Variants in ZNF681 observed in about 807,000 individuals in gnomAD.
ZNF681 encodes the protein zinc finger protein 681.
ZNF681 carries 37 observed loss-of-function variants against 56.0 expected under a neutral mutation model. That is an observed-to-expected ratio of 0.66 (90% CI 0.51 to 0.87). ZNF681 has a LOEUF of 0.87. Among genes scored for constraint, ZNF681 ranks in the 40% least tolerant of loss-of-function variants. ZNF681 has a pLI of 0.00. For missense variants in ZNF681, 741 were observed against 744.9 expected, an observed-to-expected ratio of 0.99 and a Z score of 0.06; for synonymous variants, 225 against 248.6, an observed-to-expected ratio of 0.91 and a Z score of 0.89.
intron 3 of ZNF681, among the ~76,000 whole-genome samples, chr19:23,748,028 A>G (rs1305384919): frequency 6.6e-6 from 1 of 152,146 alleles, no homozygotes; most frequent in Admixed American, 6.5e-5. Flanking sequence ...ATACTTAAAC[A>G]TATAAAAATA....
intron 3 of ZNF681, among the ~76,000 whole-genome samples, chr19:23,748,813 G>A (rs550633913): frequency 7.7e-4 from 117 of 152,026 alleles, no homozygotes; most frequent in African/African-American, 2.7e-3. Context: ...TAAAAATCAC[G>A]TGAAAAAAAC....
In ZNF681 at chr19:23,744,703, T is replaced by C. The variant is rs937498259; in HGVS notation, c.847A>G (p.Lys283Glu). 4 of 1,596,546 alleles carry C rather than the reference T, an allele frequency of 2.5e-6. No individual in the cohort carries two copies. The African/African-American group carries it at 5.4e-5, about 21-fold the overall frequency. The stretch of plus-strand genomic sequence containing the variant: ...AAGGCTTTGTCACATTCTTCACGTT[T>C]GTAGGGATTCTCTCCAGTATGAATT... ...TIIHTGENPY[K>E]REECDKAFNQ... is the part of the protein sequence containing the mutation. Residue 283 changes from lysine (K) to glutamate (E), a missense_variant, in exon 4 of 4, where the codon AAA becomes GAA. Transcript: ENST00000402377.
At chr19:23,745,427 T>TA (rs1568310094) in intron 3 of ZNF681, 104 bp from the exon 4 acceptor site, 1 of 932,236 alleles carries the variant, frequency 1.1e-6, no homozygotes, top group African/African-American at 1.7e-5. Context: ...CAAGATGGTA[T>TA]AGCAAAATAC....
chr19:23,746,459 G>A (rs1968946187), intron 3 of ZNF681, among the ~76,000 whole-genome samples: 1 of 152,200 alleles, frequency 6.6e-6, no homozygotes, highest in Admixed American at 6.5e-5. Flanking sequence ...GTAATTATGT[G>A]AGTACTATGT....
At chr19:23,756,686 T>A (rs930756857) in intron 1 of ZNF681, among the ~76,000 whole-genome samples, 90 of 152,014 alleles carry the variant, frequency 5.9e-4, no homozygotes, top group Non-Finnish European at 1.2e-3. Context: ...GATAAATAGC[T>A]AATGCATGCC....
intron 3 of ZNF681, among the ~76,000 whole-genome samples, chr19:23,745,840 TG>T (rs1765451686): frequency 6.6e-6 from 1 of 152,148 alleles, no homozygotes; most frequent in Non-Finnish European, 1.5e-5. Context: ...ATTAGTTAAG[TG>T]TGTGCAATGA....
At chr19:23,747,824 T>C (rs1458125123) in intron 3 of ZNF681, among the ~76,000 whole-genome samples, 2 of 151,960 alleles carry the variant, frequency 1.3e-5, no homozygotes, top group Admixed American at 6.6e-5. Flanking sequence ...CAAAGACAGA[T>C]AAACAGATTA....
At chr19:23,752,759 C>T (rs961305788) in intron 3 of ZNF681, among the ~76,000 whole-genome samples, 3 of 152,036 alleles carry the variant, frequency 2.0e-5, no homozygotes, top group African/African-American at 7.2e-5. Context: ...AGACCTTTAC[C>T]TTCTGAAAAC....
Position 23,749,719 on chromosome 19 carries a change from A to T in ZNF681, c.227-4396T>A, listed in dbSNP as rs138963568. Among the ~76,000 whole-genome samples the T allele has an allele frequency of 6.2e-3, 939 of 152,190 alleles. 9 individuals are homozygous for T. Among genetic ancestry groups the T allele is most frequent in the African/African-American group, 0.022 (905 of 41,506 alleles). On this transcript the variant is annotated intron_variant, in intron 3 of 3. Transcript: ENST00000402377. ...TGCCTTAAGATCCTCAAATTCTGGG[A>T]TTACACATGTAAGCCACAACCTGGA... is the stretch of plus-strand genomic sequence containing the variant.
chr19:23,758,675 T>C lies in ZNF681; in HGVS notation c.3+72A>G, dbSNP rs369176385. On this transcript the variant is annotated intron_variant, in intron 1 of 3. Coordinates refer to ENST00000402377, the MANE Select transcript of ZNF681 (RefSeq NM_138286.3). ...GAACTCAGGGCGCAAATTGTGGAGC[T>C]GACTGCGGCGAGGTCTGAGTCCCGC... 5 of 1,612,490 alleles carry C rather than the reference T, an allele frequency of 3.1e-6. No individual in the cohort carries two copies. The African/African-American group carries it at 6.7e-5, about 22-fold the overall frequency.
At chr19:23,750,111 C>T (rs1340821637) in intron 3 of ZNF681, among the ~76,000 whole-genome samples, 1 of 151,054 alleles carries the variant, frequency 6.6e-6, no homozygotes, top group African/African-American at 2.4e-5. Context: ...ATTGTGAAAC[C>T]CCATCTCTAC....
intron 3 of ZNF681, among the ~76,000 whole-genome samples, chr19:23,749,582 CA>C (rs1469298404): frequency 6.7e-6 from 1 of 149,142 alleles, no homozygotes; most frequent in East Asian, 2.0e-4. Flanking sequence ...GCTGGGACCA[CA>C]GGTGCACACA....
At chr19:23,745,346 A>G in intron 3 of ZNF681, 23 bp from the exon 4 acceptor site, 1 of 1,486,794 alleles carries the variant, frequency 6.7e-7, no homozygotes, top group Non-Finnish European at 8.9e-7. Flanking sequence ...AAAATAACAA[A>G]TGACTCCACT....
chr19:23,741,745 T>C lies in ZNF681; in HGVS notation c.*1867A>G, dbSNP rs1968876984. On this transcript the variant is annotated 3_prime_UTR_variant, in exon 4 of 4. Transcript: ENST00000402377. The stretch of plus-strand genomic sequence containing the variant: ...AAAAAACCGAAAAGTGCAGAATTAG[T>C]TTATAATACAAACAAATACAAACAA... The C allele has an allele frequency of 6.6e-6, 1 of 151,898 alleles. No individual in the cohort carries two copies. The highest frequency in any genetic ancestry group is 2.4e-5 in the African/African-American group (1 of 41,348). 9.4% of individuals were successfully genotyped at this position (151,898 alleles called of 1,614,324 possible).
At chr19:23,752,778 A>C (rs2144850492) in intron 3 of ZNF681, among the ~76,000 whole-genome samples, 1 of 152,304 alleles carries the variant, frequency 6.6e-6, no homozygotes, top group Middle Eastern at 3.4e-3. Flanking sequence ...ACAGGTTATA[A>C]AAACTTGAAG....
At chr19:23,750,300 AAAAC>A (rs1376538500) in intron 3 of ZNF681, among the ~76,000 whole-genome samples, 5 of 87,074 alleles carry the variant, frequency 5.7e-5, no homozygotes, top group Middle Eastern at 6.5e-3. Flanking sequence ...AAAAAAAAAA[AAAAC>A]CAAAAAACAA....
Position 23,743,589 on chromosome 19 carries a change from GT to G in ZNF681, c.*22del. On this transcript the variant is annotated 3_prime_UTR_variant, in exon 4 of 4. Coordinates refer to ENST00000402377, the MANE Select transcript of ZNF681 (RefSeq NM_138286.3). ...CAATCAAGTGTGACAACTTTTAAAG[GT>G]TTTGTTACATTCTTCACATTTCTAA... 6.9e-7 allele frequency: 1 copy of G among 1,454,072 alleles called. No homozygotes were observed. 90.1% of individuals were successfully genotyped at this position (1,454,072 alleles called of 1,614,324 possible). A position where few individuals can be genotyped will look rare whatever the true frequency, so the allele number is the denominator to read the frequency against.
intron 1 of ZNF681, 91 bp from the exon 2 acceptor site, chr19:23,755,642 T>G (rs1969105819): frequency 6.8e-6 from 9 of 1,331,680 alleles, no homozygotes; most frequent in African/African-American, 1.5e-5. Context: ...TATAATTTGA[T>G]TCAAGGTAAA....
At chr19:23,750,315 C>T (rs1349864664) in intron 3 of ZNF681, among the ~76,000 whole-genome samples, 1 of 129,736 alleles carries the variant, frequency 7.7e-6, no homozygotes, top group East Asian at 2.4e-4. Context: ...CAAAAAACAA[C>T]TAAGAAAGAA....
Sources: allele counts gnomAD v4.1 joint callset (sites outside exome capture counted in the v4.1 genomes callset), GRCh38; gene constraint gnomAD v4.1.1; transcripts MANE v1.5; gene names NCBI Gene and HGNC (gene_info 2026-07-23, HGNC 2026-07-21).